PAX2: variants seen among roughly 807,000 people sequenced by gnomAD.
PAX2 encodes paired box protein Pax-2.
A neutral mutation model predicts 41.7 loss-of-function variants in PAX2; 9 were observed. The ratio of observed to expected loss-of-function variants is 0.22; its 90% CI spans 0.13 to 0.38. The LOEUF is 0.38. Ranked by LOEUF, PAX2 falls within the 10% of genes least tolerant of loss-of-function variation. The probability of loss-of-function intolerance (pLI) is 1.00; values close to 1 mark genes in which losing one functional copy is unlikely to be tolerated. For missense variants in PAX2, 418 were observed against 531.6 expected (o/e 0.79, Z 2.10); for synonymous variants, 221 against 212.7 (o/e 1.04, Z -0.34).
Position 100,824,985 on chromosome 10 carries a change from G to C in PAX2, c.1021+236G>C. The C allele has an allele frequency of 1.2e-6, 2 of 1,613,078 alleles. No individual in the cohort carries two copies. The highest frequency in any genetic ancestry group is 1.7e-6 in the Non-Finnish European group (2 of 1,179,102). On this transcript the variant is annotated intron_variant, in intron 8 of 9. Transcript: ENST00000355243. The surrounding 1 kb of genome is among the most constrained non-coding windows in gnomAD (Gnocchi z 6.6). ...AGTGCCCCCTTGTGTGCAACCCACT[G>C]TATGTCATGGCCCCTCCACAGCGCC...
chr10:100,748,381 A>G lies in PAX2; in HGVS notation c.44-1365A>G. The G allele has an allele frequency of 2.0e-6, 2 of 983,000 alleles. No individual in the cohort carries two copies. Among genetic ancestry groups the G allele is most frequent in the Non-Finnish European group, 2.4e-6 (2 of 829,550 alleles). 60.9% of individuals were successfully genotyped at this position (983,000 alleles called of 1,614,324 possible). On this transcript the variant is annotated intron_variant, in intron 1 of 9. Transcript: ENST00000355243. The surrounding 1 kb of genome is among the most constrained non-coding windows in gnomAD (Gnocchi z 5.0). ...GGCTTCAGTCTCTCCCAGCAACGCG[A>G]TCAGAGGTCTTTCCCCAGGGTTTCA...
At position 100,801,785 on chromosome 10, in the gene PAX2, T is replaced by C. The variant is rs185359662; in HGVS notation, c.617-4645T>C. ...AAGTGGCCTTCAACTGGGCCCACTG[T>C]GTTTGGCACCCAGGCTGCAGAGTGA... On this transcript the variant is annotated intron_variant, in intron 5 of 9. Transcript: ENST00000355243. Among the ~76,000 whole-genome samples the C allele has an allele frequency of 3.3e-5, 5 of 152,352 alleles. No homozygotes were observed. The East Asian group carries it at 9.6e-4, about 29-fold the overall frequency.
chr10:100,783,738 C>T (rs1466578527), intron 5 of PAX2, among the ~76,000 whole-genome samples: 1 of 148,104 alleles, frequency 6.8e-6, no homozygotes, highest in African/African-American at 2.5e-5. Context: ...TTGGGAAGCT[C>T]ATGCTCCAGC....
At position 100,750,451 on chromosome 10, in the gene PAX2, T is replaced by C. The variant is rs1845397364; in HGVS notation, c.213-243T>C. On this transcript the variant is annotated intron_variant, in intron 2 of 9. Coordinates refer to ENST00000355243, the MANE Select transcript of PAX2 (RefSeq NM_000278.5). This position sits in a 1 kb window ranked among gnomAD's most constrained non-coding sequence, Gnocchi z 4.1. ...CACTCCCACGGGTGCCTATTTGGGC[T>C]GGTGCGAACCCAGCCCCTGGTGTGG... Among the ~76,000 whole-genome samples, 1 of 152,160 alleles carries C rather than the reference T, an allele frequency of 6.6e-6. No homozygotes were observed. The highest frequency in any genetic ancestry group is 2.4e-5 in the African/African-American group (1 of 41,440).
chr10:100,786,150 G>A (rs1846848751), intron 5 of PAX2, among the ~76,000 whole-genome samples: 1 of 152,244 alleles, frequency 6.6e-6, no homozygotes, highest in Non-Finnish European at 1.5e-5. Flanking sequence ...GCAGCTCCTT[G>A]TAACTAGGGC....
chr10:100,747,717 A>G, intron 1 of PAX2: 5 of 984,748 alleles, frequency 5.1e-6, no homozygotes, highest in Non-Finnish European at 6.0e-6. Flanking sequence ...TTTCTAAGTA[A>G]TTTCCAAGCG....
At chr10:100,760,842 G>A (rs1224541367) in intron 3 of PAX2, among the ~76,000 whole-genome samples, 2 of 152,142 alleles carry the variant, frequency 1.3e-5, no homozygotes, top group African/African-American at 4.8e-5. Context: ...GATAAGGAAG[G>A]CCATCCTTCC....
At chr10:100,800,306 G>T (rs1847516005) in intron 5 of PAX2, among the ~76,000 whole-genome samples, 3 of 121,844 alleles carry the variant, frequency 2.5e-5, no homozygotes, top group African/African-American at 6.9e-5. Context: ...TTGAGACAGG[G>T]TCTCACTCTG....
At chr10:100,772,539 C>G (rs968109372) in intron 3 of PAX2, among the ~76,000 whole-genome samples, 1 of 152,206 alleles carries the variant, frequency 6.6e-6, no homozygotes, top group Non-Finnish European at 1.5e-5. Context: ...CATGACCATT[C>G]GTCTGGCTTA....
At chr10:100,779,729 A>C (rs934603878) in intron 4 of PAX2, 146 bp downstream of exon 4, 6 of 711,012 alleles carry the variant, frequency 8.4e-6, no homozygotes, top group Non-Finnish European at 1.3e-5. Flanking sequence ...TCCTGTCCAC[A>C]TAGGGTCTTC....
At chr10:100,801,663 G>T (rs1483660978) in intron 5 of PAX2, among the ~76,000 whole-genome samples, 1 of 152,236 alleles carries the variant, frequency 6.6e-6, no homozygotes, top group African/African-American at 2.4e-5. Flanking sequence ...TCTGCACTCA[G>T]CCAGCACCTG....
intron 3 of PAX2, among the ~76,000 whole-genome samples, chr10:100,752,228 C>T (rs1845468766): frequency 6.6e-6 from 1 of 152,200 alleles, no homozygotes; most frequent in Non-Finnish European, 1.5e-5. Context: ...TAACATAATA[C>T]TGATCAGCTA....
intron 3 of PAX2, among the ~76,000 whole-genome samples, chr10:100,765,926 A>G (rs919202644): frequency 2.6e-5 from 4 of 151,634 alleles, no homozygotes; most frequent in South Asian, 2.1e-4. Context: ...TATCATCATC[A>G]TCATCATCAT....
At chr10:100,764,301 G>A (rs1002628565) in intron 3 of PAX2, among the ~76,000 whole-genome samples, 3 of 151,824 alleles carry the variant, frequency 2.0e-5, no homozygotes, top group South Asian at 2.1e-4. Flanking sequence ...CCGCCACCAC[G>A]CCTGGCTAAT....
At chr10:100,792,010 A>T (rs1847137355) in intron 5 of PAX2, among the ~76,000 whole-genome samples, 1 of 152,178 alleles carries the variant, frequency 6.6e-6, no homozygotes, top group South Asian at 2.1e-4. Context: ...ACCTCTAGGG[A>T]CTTGCTTTTT....
At chr10:100,735,429 C>A (rs1363814939) in exon 1 of PAX2, among the ~76,000 whole-genome samples, 3 of 152,214 alleles carry the variant, frequency 2.0e-5, no homozygotes, top group African/African-American at 7.2e-5. Flanking sequence ...CTGCGGCTGG[C>A]TGGGGCCTCG....
Position 100,828,642 on chromosome 10 carries a change from G to GACT in PAX2, c.*1024_*1026dup, listed in dbSNP as rs1380209934. ...ACTTGATGCCCCCTCCCCCGACACA[G>GACT]ACTCTCAATCTGCCGGTGGTAAGAA... On this transcript the variant is annotated 3_prime_UTR_variant, in exon 10 of 10. Coordinates refer to ENST00000355243, the MANE Select transcript of PAX2 (RefSeq NM_000278.5). The surrounding 1 kb of genome is among the most constrained non-coding windows in gnomAD (Gnocchi z 6.5). 11 of 233,210 alleles carry GACT rather than the reference G, an allele frequency of 4.7e-5. No homozygotes were observed. The highest frequency in any genetic ancestry group is 3.4e-5 in the Non-Finnish European group (4 of 118,132). 14.4% of individuals were successfully genotyped at this position (233,210 alleles called of 1,614,324 possible).
intron 5 of PAX2, among the ~76,000 whole-genome samples, chr10:100,789,065 C>T (rs1846995290): frequency 6.6e-6 from 1 of 152,118 alleles, no homozygotes. Context: ...TGTAAGAAGG[C>T]ATTTATGTTG....
chr10:100,807,349 C>T (rs1847828483), intron 6 of PAX2, among the ~76,000 whole-genome samples: 1 of 151,900 alleles, frequency 6.6e-6, no homozygotes, highest in African/African-American at 2.4e-5. Context: ...GCTCCCCCAC[C>T]CACAGCCCAC....
Sources: allele counts gnomAD v4.1 joint callset (sites outside exome capture counted in the v4.1 genomes callset), GRCh38; gene constraint gnomAD v4.1.1; non-coding constraint Gnocchi (gnomAD v3.1); transcripts MANE v1.5; gene names NCBI Gene and HGNC (gene_info 2026-07-23, HGNC 2026-07-21).